Variants in PIK3C2A observed in about 807,000 individuals in gnomAD.
PIK3C2A encodes phosphatidylinositol 4-phosphate 3-kinase C2 domain-containing subunit alpha.
In PIK3C2A, 97 loss-of-function variants were observed where a neutral mutation model predicts 204.5. That is an observed-to-expected ratio of 0.47 (90% CI 0.40 to 0.56). The LOEUF (loss-of-function observed/expected upper bound fraction) is 0.56, where lower values mean the gene tolerates loss of function less well. Ranked by LOEUF, PIK3C2A falls within the 20% of genes least tolerant of loss-of-function variation. PIK3C2A has a pLI of 0.00. For missense variants in PIK3C2A, 1,735 were observed against 1,969.2 expected (o/e 0.88, Z 2.25); for synonymous variants, 653 against 664.4 (o/e 0.98, Z 0.26).
chr11:17,129,231 G>T, intron 13 of PIK3C2A, 69 bp downstream of exon 13: 1 of 1,263,052 alleles, frequency 7.9e-7, no homozygotes, highest in Non-Finnish European at 1.1e-6. Flanking sequence ...TCACCTCCTT[G>T]TCATCTAGCC....
chr11:17,096,423 A>G (rs1449792456), intron 27 of PIK3C2A, among the ~76,000 whole-genome samples: 1 of 152,164 alleles, frequency 6.6e-6, no homozygotes, highest in Non-Finnish European at 1.5e-5. Context: ...CCAGAAACAA[A>G]TTTGGGGATA....
At chr11:17,194,195 T>C (rs1435375477) in intron 1 of PIK3C2A, 1 of 493,946 alleles carries the variant, frequency 2.0e-6, no homozygotes, top group Non-Finnish European at 3.2e-6. Context: ...GCTTGGGTTG[T>C]GCCGGCCAAA....
intron 13 of PIK3C2A, among the ~76,000 whole-genome samples, chr11:17,126,556 A>T (rs1849533399): frequency 6.6e-6 from 1 of 152,214 alleles, no homozygotes; most frequent in African/African-American, 2.4e-5. Flanking sequence ...AATCATTATA[A>T]CACAGTGGTT....
chr11:17,193,018 A>G (rs1357267669), intron 1 of PIK3C2A, among the ~76,000 whole-genome samples: 1 of 119,332 alleles, frequency 8.4e-6, no homozygotes. Context: ...TGGGATTAAT[A>G]CCATAACTGT....
At chr11:17,187,400 T>C (rs1851789120) in intron 1 of PIK3C2A, among the ~76,000 whole-genome samples, 1 of 152,296 alleles carries the variant, frequency 6.6e-6, no homozygotes, top group African/African-American at 2.4e-5. Context: ...ATAACTCACT[T>C]AATATGAAAT....
rs1349421310 is a variant in PIK3C2A, at chr11:17,087,409, A to C, written c.*2329T>G. 1 of 152,242 alleles carries C rather than the reference A, an allele frequency of 6.6e-6. No individual in the cohort carries two copies. The highest frequency in any genetic ancestry group is 1.5e-5 in the Non-Finnish European group (1 of 68,040). The allele number at this position is 152,242 out of a possible 1,614,324, so 9.4% of individuals were successfully genotyped here. On this transcript the variant is annotated 3_prime_UTR_variant, in exon 33 of 33. Coordinates refer to ENST00000691414, the MANE Select transcript of PIK3C2A (RefSeq NM_002645.4). ...GTATGTGTGTTTGAATGAGTAAAGA[A>C]GGCACAAAATGAGTTAAATTAAGAG...
At chr11:17,120,329 C>G (rs927815707) in intron 15 of PIK3C2A, among the ~76,000 whole-genome samples, 1 of 150,690 alleles carries the variant, frequency 6.6e-6, no homozygotes, top group Non-Finnish European at 1.5e-5. Context: ...CCATTTCGTA[C>G]AAATAAAATC....
intron 8 of PIK3C2A, among the ~76,000 whole-genome samples, chr11:17,140,243 C>T (rs761743209): frequency 6.6e-6 from 1 of 151,936 alleles, no homozygotes; most frequent in East Asian, 1.9e-4. Flanking sequence ...AGTGAGACCT[C>T]CATTTCTTTA....
intron 3 of PIK3C2A, among the ~76,000 whole-genome samples, chr11:17,154,732 G>A (rs1055697937): frequency 6.6e-6 from 1 of 152,186 alleles, no homozygotes; most frequent in Non-Finnish European, 1.5e-5. Context: ...GAAGGTGAAG[G>A]AAAGGAAATG....
intron 1 of PIK3C2A, among the ~76,000 whole-genome samples, chr11:17,173,573 A>C (rs534562645): frequency 6.6e-6 from 1 of 152,220 alleles, no homozygotes; most frequent in Non-Finnish European, 1.5e-5. Flanking sequence ...CCTTTCATTT[A>C]TGCAGGCCAG....
intron 27 of PIK3C2A, among the ~76,000 whole-genome samples, chr11:17,096,036 G>C (rs1052665162): frequency 1.3e-5 from 2 of 149,408 alleles, no homozygotes; most frequent in Admixed American, 1.4e-4. Flanking sequence ...TTGCTGGCTA[G>C]TTAAACTTTT....
chr11:17,118,806 C>A, intron 17 of PIK3C2A, 67 bp from the exon 18 acceptor site: 1 of 741,144 alleles, frequency 1.3e-6, no homozygotes, highest in South Asian at 1.7e-5. Flanking sequence ...ATAAAACTAT[C>A]AAAAGAGAAA....
At chr11:17,206,737 T>C (rs1205581926) in intron 1 of PIK3C2A, among the ~76,000 whole-genome samples, 1 of 152,186 alleles carries the variant, frequency 6.6e-6, no homozygotes, top group Non-Finnish European at 1.5e-5. Context: ...TCCCTCTTTC[T>C]ACTATGTCTT....
chr11:17,120,069 G>A (rs1849324483), intron 15 of PIK3C2A, 95 bp from the exon 16 acceptor site: 1 of 554,698 alleles, frequency 1.8e-6, no homozygotes, highest in Admixed American at 3.9e-5. Flanking sequence ...ATTTATTTGG[G>A]ACAGCTACTT....
intron 1 of PIK3C2A, among the ~76,000 whole-genome samples, chr11:17,170,587 T>C (rs1039133590): frequency 1.3e-5 from 2 of 152,214 alleles, no homozygotes; most frequent in East Asian, 3.8e-4. Context: ...CACGAAAAGA[T>C]GAGAAGATAA....
intron 3 of PIK3C2A, 32 bp from the exon 4 acceptor site, chr11:17,150,687 T>C (rs1378457967): frequency 2.0e-6 from 3 of 1,535,284 alleles, no homozygotes; most frequent in Admixed American, 2.1e-5. Context: ...TTAAATTCTT[T>C]TTTAAAAAAA....
chr11:17,101,770 ATT>A (rs575524994), intron 24 of PIK3C2A, among the ~76,000 whole-genome samples: 2 of 151,464 alleles, frequency 1.3e-5, no homozygotes, highest in East Asian at 3.9e-4. Flanking sequence ...CGCCCGGCTA[ATT>A]TTTTGTATTT....
chr11:17,170,538 A>C (rs1851122640), intron 1 of PIK3C2A, among the ~76,000 whole-genome samples: 1 of 152,152 alleles, frequency 6.6e-6, no homozygotes, highest in African/African-American at 2.4e-5. Context: ...ATAATACCAA[A>C]ATTTCTCCTT....
intron 1 of PIK3C2A, among the ~76,000 whole-genome samples, chr11:17,184,070 T>C (rs959418432): frequency 6.6e-6 from 1 of 152,082 alleles, no homozygotes; most frequent in Non-Finnish European, 1.5e-5. Flanking sequence ...CAGTGAGTTA[T>C]ATGATCATGC....
Sources: gnomAD v4.1 joint callset for allele counts (sites outside exome capture counted in the v4.1 genomes callset) on GRCh38, gnomAD v4.1.1 for gene constraint, MANE v1.5 for transcripts, NCBI Gene and HGNC (gene_info 2026-07-23, HGNC 2026-07-21) for gene names.